The following FGGY variants were observed in gnomAD, a reference collection of about 807,000 sequenced individuals.
FGGY encodes the protein FGGY carbohydrate kinase domain containing, also known as FGGY carbohydrate kinase domain-containing protein.
Under a neutral mutation model 71.3 loss-of-function variants are expected in FGGY, and 72 were observed. That is an observed-to-expected ratio of 1.01 (90% CI 0.84 to 1.23). FGGY has a LOEUF of 1.23. FGGY is among the 50% of genes most tolerant of loss of function. FGGY has a pLI of 0.00. For missense variants in FGGY, 668 were observed against 682.3 expected, an observed-to-expected ratio of 0.98 and a Z score of 0.23; for synonymous variants, 251 against 250.3, an observed-to-expected ratio of 1.00 and a Z score of -0.02.
intron 8 of FGGY, among the ~76,000 whole-genome samples, chr1:59,587,897 C>A (rs200226487): frequency 1.3e-5 from 2 of 152,192 alleles, no homozygotes; most frequent in East Asian, 1.9e-4. Context: ...CACCTCTCCT[C>A]CTCCAAAGGA....
At chr1:59,623,024 C>T (rs1483081829) in intron 9 of FGGY, among the ~76,000 whole-genome samples, 1 of 152,090 alleles carries the variant, frequency 6.6e-6, no homozygotes, top group African/African-American at 2.4e-5. Context: ...AATAATGATG[C>T]TCTTGCTTTG....
chr1:59,731,411 G>A (rs7533793), intron 14 of FGGY, among the ~76,000 whole-genome samples: 92,785 of 151,894 alleles, frequency 0.61, 28,800 homozygotes, highest in African/African-American at 0.72. Context: ...GAAGCTTCCC[G>A]GTGAAGAGGC....
At chr1:59,553,869 AC>A (rs2095645558) in intron 7 of FGGY, 1 of 342,666 alleles carries the variant, frequency 2.9e-6, no homozygotes, top group Admixed American at 4.5e-5. Context: ...TATGACAATC[AC>A]AATTACTGCC....
intron 7 of FGGY, among the ~76,000 whole-genome samples, chr1:59,533,176 A>G (rs1330064150): frequency 6.6e-6 from 1 of 152,230 alleles, no homozygotes; most frequent in African/African-American, 2.4e-5. Flanking sequence ...GAAGCAGGGC[A>G]AGGCATTGCC....
chr1:59,533,791 TAACA>T (rs971392415), intron 7 of FGGY, among the ~76,000 whole-genome samples: 5 of 152,102 alleles, frequency 3.3e-5, no homozygotes, highest in South Asian at 2.1e-4. Flanking sequence ...GAAGGAAAAC[TAACA>T]AACAGAAAGG....
At chr1:59,304,781 C>T (rs1376899051) in intron 1 of FGGY, among the ~76,000 whole-genome samples, 1 of 152,026 alleles carries the variant, frequency 6.6e-6, no homozygotes, top group Admixed American at 6.5e-5. Context: ...AAATCTTTCA[C>T]CTCCTTGGTA....
At chr1:59,463,134 C>T (rs1267433055) in intron 6 of FGGY, among the ~76,000 whole-genome samples, 3 of 151,390 alleles carry the variant, frequency 2.0e-5, no homozygotes, top group African/African-American at 7.3e-5. Context: ...AGCCTATACA[C>T]CATGGAATAC....
Position 59,378,773 on chromosome 1 carries a change from A to G in FGGY, c.490A>G (p.Lys164Glu). 6.2e-7 allele frequency: 1 copy of G among 1,613,518 alleles called. No individual in the cohort carries two copies. Among genetic ancestry groups the G allele is most frequent in the South Asian group, 1.1e-5 (1 of 91,066 alleles). Reference sequence around the variant, plus strand: ...GAACTTGAGAGAGATTTGCTGGGATAAGGCGGGACATTTCTTTGATCTCCC... The same window carrying G: ...GAACTTGAGAGAGATTTGCTGGGATGAGGCGGGACATTTCTTTGATCTCCC... ...KENLREICWD[K>E]AGHFFDLPDF... Residue 164 changes from lysine to glutamate, a missense_variant, in exon 5 of 16, where the codon AAG (lysine) becomes GAG (glutamate). Coordinates refer to ENST00000303721, the MANE Select transcript of FGGY (RefSeq NM_018291.5).
intron 5 of FGGY, among the ~76,000 whole-genome samples, chr1:59,414,155 C>G (rs569169389): frequency 6.6e-6 from 1 of 152,332 alleles, no homozygotes; most frequent in Non-Finnish European, 1.5e-5. Flanking sequence ...ACAGCCTTTA[C>G]CTTCCTTGTG....
intron 14 of FGGY, among the ~76,000 whole-genome samples, chr1:59,735,687 A>G (rs1190750337): frequency 2.0e-5 from 3 of 152,248 alleles, no homozygotes; most frequent in East Asian, 1.9e-4. Flanking sequence ...ACCCACAAAC[A>G]GGTAAGATTA....
intron 2 of FGGY, among the ~76,000 whole-genome samples, chr1:59,332,214 T>C (rs2048625640): frequency 6.6e-6 from 1 of 152,024 alleles, no homozygotes; most frequent in African/African-American, 2.4e-5. Flanking sequence ...TAGCTACGAG[T>C]TGACAGTTGT....
At chr1:59,307,144 A>G (rs2043557063) in intron 1 of FGGY, among the ~76,000 whole-genome samples, 1 of 151,824 alleles carries the variant, frequency 6.6e-6, no homozygotes, top group South Asian at 2.1e-4. Context: ...GCAAAACACC[A>G]TCTCTATAAA....
chr1:59,514,114 G>C (rs1570496375), intron 7 of FGGY, among the ~76,000 whole-genome samples: 1 of 152,212 alleles, frequency 6.6e-6, no homozygotes, highest in Admixed American at 6.5e-5. Flanking sequence ...TACAAGCACA[G>C]AGAGAACTTG....
chr1:59,369,847 G>A (rs1470622860), intron 4 of FGGY, among the ~76,000 whole-genome samples: 1 of 152,212 alleles, frequency 6.6e-6, no homozygotes, highest in Non-Finnish European at 1.5e-5. Flanking sequence ...ACCTGCAGCT[G>A]AGGGTCCTGT....
chr1:59,495,816 C>T (rs2094012259), intron 6 of FGGY, among the ~76,000 whole-genome samples: 1 of 151,930 alleles, frequency 6.6e-6, no homozygotes, highest in African/African-American at 2.4e-5. Context: ...TATTTCTGTG[C>T]TCTCTATTCT....
rs186754490 is a variant in FGGY at position 59,492,145 on chromosome 1, C to T, written c.671-20166C>T. On this transcript the variant is annotated intron_variant, in intron 6 of 15. Coordinates refer to ENST00000303721, the MANE Select transcript of FGGY (RefSeq NM_018291.5). ...GTTCATTTATTTATGTACTTATTGT[C>T]TGGTACCCCACTATAATGCGTCCAT... Among the ~76,000 whole-genome samples the T allele has an allele frequency of 6.7e-4, 102 of 152,190 alleles. 1 individual carries two copies. The highest frequency in any genetic ancestry group is 1.5e-3 in the South Asian group (7 of 4,822).
At chr1:59,505,122 G>C (rs1023935550) in intron 6 of FGGY, among the ~76,000 whole-genome samples, 11 of 152,178 alleles carry the variant, frequency 7.2e-5, no homozygotes, top group African/African-American at 2.4e-4. Context: ...TTATAGGCCA[G>C]ACTATCGGGC....
At chr1:59,606,154 A>AT (rs1277045817) in intron 8 of FGGY, among the ~76,000 whole-genome samples, 1 of 152,030 alleles carries the variant, frequency 6.6e-6, no homozygotes, top group Non-Finnish European at 1.5e-5. Context: ...AATAATAATA[A>AT]AATAAAAAAT....
At chr1:59,359,009 G>T (rs2054886203) in intron 4 of FGGY, among the ~76,000 whole-genome samples, 1 of 152,152 alleles carries the variant, frequency 6.6e-6, no homozygotes, top group African/African-American at 2.4e-5. Context: ...TCTAAGAAAT[G>T]AATTTGAAAA....
Sources: allele counts gnomAD v4.1 joint callset (sites outside exome capture counted in the v4.1 genomes callset), GRCh38; gene constraint gnomAD v4.1.1; transcripts MANE v1.5; gene names NCBI Gene and HGNC (gene_info 2026-07-23, HGNC 2026-07-21).